Variants in SOS2 observed in about 807,000 individuals in gnomAD.
The protein encoded by SOS2 is son of sevenless homolog 2.
SOS2 carries 65 observed loss-of-function variants against 148.2 expected under a neutral mutation model. That is an observed-to-expected ratio of 0.44 (90% CI 0.36 to 0.54). The LOEUF is 0.54. Among genes scored for constraint, SOS2 ranks in the 20% least tolerant of loss-of-function variants. The pLI is 0.00. For missense variants in SOS2, 1,341 were observed against 1,590.2 expected, an observed-to-expected ratio of 0.84 and a Z score of 2.67; for synonymous variants, 539 against 537.1, an observed-to-expected ratio of 1.00 and a Z score of -0.05.
At chr14:50,212,434 A>G (rs1886905406) in intron 1 of SOS2, among the ~76,000 whole-genome samples, 1 of 152,252 alleles carries the variant, frequency 6.6e-6, no homozygotes. Context: ...AGATCATGCC[A>G]CTGCACTCCA....
At chr14:50,130,374 C>A in intron 20 of SOS2, 127 bp downstream of exon 20, 1 of 749,006 alleles carries the variant, frequency 1.3e-6, no homozygotes, top group Non-Finnish European at 2.1e-6. Flanking sequence ...ATTATTTTCA[C>A]ATTTAGATAT....
At chr14:50,168,124 G>A (rs934706234) in intron 8 of SOS2, among the ~76,000 whole-genome samples, 2 of 152,050 alleles carry the variant, frequency 1.3e-5, no homozygotes, top group Non-Finnish European at 2.9e-5. Flanking sequence ...AATTTCCAAG[G>A]AATGACCAGG....
intron 1 of SOS2, among the ~76,000 whole-genome samples, chr14:50,225,809 T>C (rs930698724): frequency 3.3e-5 from 5 of 152,194 alleles, no homozygotes; most frequent in Admixed American, 6.6e-5. Flanking sequence ...TACTTTGCTA[T>C]GTAAATGAGA....
At chr14:50,178,668 GTGCATATATATATA>G (rs1351454837) in intron 7 of SOS2, among the ~76,000 whole-genome samples, 2,759 of 68,368 alleles carry the variant, frequency 0.04, 139 homozygotes, top group Admixed American at 0.11. Flanking sequence ...GTGTGTGTGT[GTGCATATATATATA>G]TATATATATA....
chr14:50,133,691 G>A (rs1883982159), intron 19 of SOS2, among the ~76,000 whole-genome samples: 1 of 152,156 alleles, frequency 6.6e-6, no homozygotes, highest in African/African-American at 2.4e-5. Flanking sequence ...TGCAGTAACT[G>A]GAAATTGTAG....
chr14:50,134,147 T>G lies in SOS2; in HGVS notation c.3051A>C (p.Arg1017=), dbSNP rs1243824770. 6.3e-7 allele frequency: 1 copy of G among 1,589,162 alleles called. No individual in the cohort carries two copies. The highest frequency in any genetic ancestry group is 8.6e-7 in the Non-Finnish European group (1 of 1,158,630). The change falls in exon 19 of 23, where the codon CGA becomes CGC. Residue 1017 remains arginine, a synonymous_variant. Transcript: ENST00000216373. ...CAAATCGAGGTGGCTGTTTGCAGTTTCGAGGTTCAATTTCTAGTGACTTGT... is the reference window on the plus strand; with the variant it reads ...CAAATCGAGGTGGCTGTTTGCAGTTGCGAGGTTCAATTTCTAGTGACTTGT... ...LFNKSLEIEP[R]NCKQPPRFPR... is the part of the protein sequence containing the mutation.
At chr14:50,162,184 TACTC>T (rs1274802122) in intron 8 of SOS2, among the ~76,000 whole-genome samples, 2 of 152,154 alleles carry the variant, frequency 1.3e-5, no homozygotes, top group African/African-American at 4.8e-5. Context: ...GACAGGGTCT[TACTC>T]ACTCCGTCAC....
rs749149552 is a variant in SOS2 at position 50,130,008 on chromosome 14, G to C, written c.3338-6C>G. 9 of 1,576,152 alleles carry C rather than the reference G, an allele frequency of 5.7e-6. No individual in the cohort carries two copies. In the East Asian group the frequency reaches 1.8e-4, roughly 32 times the overall value. ...AGCAAAGATGCTATTGCTGCCTATT[G>C]GAATAAGAAAAATTAATTTGAAAAG... On this transcript the variant is annotated splice_polypyrimidine_tract_variant and splice_region_variant and intron_variant, in intron 20 of 22. Transcript: ENST00000216373.
chr14:50,124,328 A>T (rs1883619753), intron 21 of SOS2, among the ~76,000 whole-genome samples: 1 of 152,332 alleles, frequency 6.6e-6, no homozygotes, highest in Admixed American at 6.5e-5. Context: ...AGTGAAGTGG[A>T]AGAAAAGACG....
intron 1 of SOS2, among the ~76,000 whole-genome samples, chr14:50,212,857 T>A (rs1244842101): frequency 2.0e-5 from 3 of 152,158 alleles, no homozygotes; most frequent in African/African-American, 7.2e-5. Context: ...GAAGCAGACA[T>A]TAGCTTCAGA....
chr14:50,140,478 T>A (rs559449627), intron 16 of SOS2, among the ~76,000 whole-genome samples: 46 of 152,192 alleles, frequency 3.0e-4, no homozygotes, highest in Non-Finnish European at 5.6e-4. Context: ...GAACAAAAAT[T>A]TAGTGAATGA....
Position 50,153,132 on chromosome 14 carries a change from TA to T in SOS2, c.2098del (p.Tyr700MetfsTer13). 1 of 1,607,878 alleles carries T rather than the reference TA, an allele frequency of 6.2e-7. No individual in the cohort carries two copies. The highest frequency in any genetic ancestry group is 8.5e-7 in the Non-Finnish European group (1 of 1,175,164). On this transcript the variant is annotated frameshift_variant, in exon 13 of 23. Coordinates refer to ENST00000216373, the MANE Select transcript of SOS2 (RefSeq NM_006939.4). LOFTEE classifies it high-confidence loss of function. ...VFRHWVEHHF[Y>X]DFERDLELLE... The stretch of plus-strand genomic sequence containing the variant: ...CAATTCCAAGTCTCTTTCAAAGTCA[TA>T]AAAATGATGTTCAACCCAATGCCGA...
intron 1 of SOS2, among the ~76,000 whole-genome samples, chr14:50,224,293 G>GAAAAAAAA (rs112000335): frequency 6.9e-5 from 6 of 87,084 alleles, no homozygotes; most frequent in African/African-American, 6.6e-5. Context: ...TCCGTCTCAG[G>GAAAAAAAA]AAAAAAAAAA....
chr14:50,118,342 G>C lies in SOS2; in HGVS notation c.*2C>G. The C allele has an allele frequency of 6.2e-7, 1 of 1,611,856 alleles. No homozygotes were observed. The highest frequency in any genetic ancestry group is 8.5e-7 in the Non-Finnish European group (1 of 1,178,380). On this transcript the variant is annotated 3_prime_UTR_variant, in exon 23 of 23. Transcript: ENST00000216373. ...AGTGTCAATGACTACATATGGCTAA[G>C]GTCATTGGGGAGTTTCTGCATTTTC...
chr14:50,231,379 C>G lies in SOS2; in HGVS notation c.-96G>C. Reference sequence around the variant, plus strand: ...CGGGCCGCCTCGCCTCGCCGGCGGCCGCCGCCTCCCGCCCGGGCCGAGGCT... The same window carrying G: ...CGGGCCGCCTCGCCTCGCCGGCGGCGGCCGCCTCCCGCCCGGGCCGAGGCT... On this transcript the variant is annotated 5_prime_UTR_variant, in exon 1 of 23. Transcript: ENST00000216373. The G allele has an allele frequency of 3.4e-6, 1 of 296,460 alleles. No homozygotes were observed. Among genetic ancestry groups the G allele is most frequent in the Non-Finnish European group, 5.0e-6 (1 of 199,164 alleles). 18.4% of individuals were successfully genotyped at this position (296,460 alleles called of 1,614,324 possible). A position where few individuals can be genotyped will look rare whatever the true frequency, so the allele number is the denominator to read the frequency against.
intron 21 of SOS2, among the ~76,000 whole-genome samples, chr14:50,128,470 T>C (rs751159877): frequency 6.6e-6 from 1 of 152,102 alleles, no homozygotes; most frequent in African/African-American, 2.4e-5. Context: ...GAGGCAATTA[T>C]GAACTCCAGG....
intron 4 of SOS2, among the ~76,000 whole-genome samples, 175 bp from the exon 5 acceptor site, chr14:50,188,875 C>T (rs1235288629): frequency 6.6e-6 from 1 of 151,982 alleles, no homozygotes; most frequent in Non-Finnish European, 1.5e-5. Flanking sequence ...CCAGCCTGGC[C>T]AACATGGTGA....
chr14:50,140,843 T>C (rs761226996), intron 16 of SOS2, among the ~76,000 whole-genome samples: 29 of 152,226 alleles, frequency 1.9e-4, no homozygotes, highest in Middle Eastern at 3.4e-3. Context: ...AATGCTGCTA[T>C]ATATAAAACC....
At chr14:50,128,601 GTC>G (rs1883761881) in intron 21 of SOS2, among the ~76,000 whole-genome samples, 1 of 152,198 alleles carries the variant, frequency 6.6e-6, no homozygotes, top group South Asian at 2.1e-4. Context: ...AGTAAACATT[GTC>G]TAAAATTAAT....
Sources: allele counts gnomAD v4.1 joint callset (sites outside exome capture counted in the v4.1 genomes callset), GRCh38; gene constraint gnomAD v4.1.1; transcripts MANE v1.5; gene names NCBI Gene and HGNC (gene_info 2026-07-23, HGNC 2026-07-21).